Variants in ZSWIM8 observed in about 807,000 individuals in gnomAD.
ZSWIM8 encodes the protein zinc finger SWIM domain-containing protein 8.
ZSWIM8 carries 27 observed loss-of-function variants against 173.7 expected under a neutral mutation model. The observed-to-expected ratio is 0.16, with a 90% CI of 0.11 to 0.21. ZSWIM8 has a LOEUF of 0.21. Ranked by LOEUF, ZSWIM8 falls within the 10% of genes least tolerant of loss-of-function variation. The pLI is 1.00. For missense variants in ZSWIM8, 1,627 were observed against 2,428.8 expected (o/e 0.67, Z 6.94); for synonymous variants, 958 against 962.0 (o/e 1.00, Z 0.08).
Position 73,796,853 on chromosome 10 carries a change from C to T in ZSWIM8, c.3113C>T (p.Pro1038Leu), listed in dbSNP as rs2083684843. ...TLSSFYSSSR[P>L]TTASQRSPSK... ...AGTTCTTTCTACTCATCTAGCCGCC[C>T]AACCACAGCCAGCCAGAGGTCTCCT... Residue 1038 changes from proline to leucine, a missense_variant, in exon 16 of 26, where the codon CCA becomes CTA. By Grantham distance (98) the Pro-to-Leu change is moderately conservative. Coordinates refer to ENST00000604729, the MANE Select transcript of ZSWIM8 (RefSeq NM_001367799.1). 6.2e-7 allele frequency: 1 copy of T among 1,613,956 alleles called. No homozygotes were observed. The highest frequency in any genetic ancestry group is 1.3e-5 in the African/African-American group (1 of 74,950).
rs1325745982 is a variant in ZSWIM8 at position 73,792,482 on chromosome 10, C to T, written c.1943C>T (p.Pro648Leu). Reference protein sequence around the residue: ...GGFPESPPPCPLHGGSRGPST... With the variant: ...GGFPESPPPCLLHGGSRGPST... ...TTCCCTGAGAGCCCTCCACCCTGTC[C>T]TCTCCACGGTGGCTCCCGAGGCCCT... Residue 648 changes from proline (P) to leucine (L), a missense_variant, in exon 10 of 26, where the codon CCT (proline) becomes CTT (leucine). Pro to Leu is a moderately conservative substitution (Grantham distance 98). Coordinates refer to ENST00000604729, the MANE Select transcript of ZSWIM8 (RefSeq NM_001367799.1). This position sits in a 1 kb window ranked among gnomAD's most constrained non-coding sequence, Gnocchi z 4.3. 6.2e-7 allele frequency: 1 copy of T among 1,612,174 alleles called. No homozygotes were observed. The highest frequency in any genetic ancestry group is 1.7e-5 in the Admixed American group (1 of 59,682).
Position 73,797,766 on chromosome 10 carries a change from C to T in ZSWIM8, c.3663-15C>T. The T allele has an allele frequency of 1.2e-6, 2 of 1,609,214 alleles. No individual in the cohort carries two copies. The highest frequency in any genetic ancestry group is 1.7e-6 in the Non-Finnish European group (2 of 1,176,548). ...AGAAACCCCAACCCCCGTCCCTACC[C>T]CATTGCCCCTTCAGGTACAAGGGCC... On this transcript the variant is annotated splice_polypyrimidine_tract_variant and intron_variant, in intron 18 of 25. Transcript: ENST00000604729. This position sits in a 1 kb window ranked among gnomAD's most constrained non-coding sequence, Gnocchi z 5.6.
chr10:73,799,644 A>G, intron 21 of ZSWIM8, 154 bp downstream of exon 21: 3 of 1,091,248 alleles, frequency 2.7e-6, no homozygotes, highest in Non-Finnish European at 4.0e-6. Flanking sequence ...AAAATAAGAA[A>G]TGACGGCCGG....
At chr10:73,796,370 GA>G (rs1156340975) in intron 15 of ZSWIM8, 5 of 425,584 alleles carry the variant, frequency 1.2e-5, no homozygotes, top group Admixed American at 3.0e-5. Context: ...AGAAGAAGAA[GA>G]AAAAAAGAAA....
Position 73,798,102 on chromosome 10 carries a change from G to A in ZSWIM8, c.3952+32G>A, listed in dbSNP as rs189497417. On this transcript the variant is annotated intron_variant, in intron 19 of 25. Coordinates refer to ENST00000604729, the MANE Select transcript of ZSWIM8 (RefSeq NM_001367799.1). ...CATTTGACCTGACTTGGGTATGGGA[G>A]GGGGATTAATTGGTGGGGATAAGAC... 8.0e-5 allele frequency: 129 copies of A among 1,607,904 alleles called. 1 individual carries two copies. In the Admixed American group the frequency reaches 2.1e-3, roughly 27 times the overall value.
At chr10:73,795,772 A>G (rs2083611275) in intron 15 of ZSWIM8, 109 bp downstream of exon 15, 4 of 1,249,830 alleles carry the variant, frequency 3.2e-6, no homozygotes, top group Non-Finnish European at 4.3e-6. Flanking sequence ...AGCCTGGGCA[A>G]CATGGCGAAA....
At position 73,790,368 on chromosome 10, in the gene ZSWIM8, C is replaced by T. The variant is rs1433922580; in HGVS notation, c.941+76C>T. The stretch of plus-strand genomic sequence containing the variant: ...TCAGGCTGATGACAGATCCTTTCTT[C>T]TATTCATGCCTGTGACCCCTACCTT... On this transcript the variant is annotated intron_variant, in intron 7 of 25. Coordinates refer to ENST00000604729, the MANE Select transcript of ZSWIM8 (RefSeq NM_001367799.1). 8 of 1,523,146 alleles carry T rather than the reference C, an allele frequency of 5.3e-6. No individual in the cohort carries two copies. The African/African-American group carries it at 9.7e-5, about 19-fold the overall frequency. The allele number at this position is 1,523,146 out of a possible 1,614,324, so 94.4% of individuals were successfully genotyped here. A position where few individuals can be genotyped will look rare whatever the true frequency, so the allele number is the denominator to read the frequency against.
At chr10:73,796,739 C>T (rs776443941) in intron 15 of ZSWIM8, 35 bp from the exon 16 acceptor site, 1 of 1,606,552 alleles carries the variant, frequency 6.2e-7, no homozygotes. Flanking sequence ...CATCCTGTCA[C>T]TGCTTCTCTG....
At chr10:73,795,728 C>T (rs1400824406) in intron 15 of ZSWIM8, 65 bp downstream of exon 15, 60 of 1,541,952 alleles carry the variant, frequency 3.9e-5, no homozygotes, top group Middle Eastern at 4.4e-4. Context: ...GAGGCAGAGG[C>T]GGGCAGATGG....
Position 73,798,221 on chromosome 10 carries a change from T to G in ZSWIM8, c.3953-9T>G. 6.2e-7 allele frequency: 1 copy of G among 1,613,332 alleles called. No homozygotes were observed. The highest frequency in any genetic ancestry group is 8.5e-7 in the Non-Finnish European group (1 of 1,179,360). On this transcript the variant is annotated splice_polypyrimidine_tract_variant and intron_variant, in intron 19 of 25. Transcript: ENST00000604729. ...AACCCAACTCTGCCCTTCTCTCCTT[T>G]CCCCTAAGGCCAGGCCATGGAGATA...
intron 1 of ZSWIM8, 132 bp downstream of exon 1, chr10:73,786,218 C>A: frequency 9.4e-7 from 1 of 1,068,080 alleles, no homozygotes; most frequent in Non-Finnish European, 1.3e-6. Context: ...CTGTCCCCGG[C>A]CGGGAGCTGT....
chr10:73,799,741 G>A (rs2083838409), intron 21 of ZSWIM8: 1 of 637,142 alleles, frequency 1.6e-6, no homozygotes, highest in South Asian at 2.0e-5. Context: ...GACCAGCCTG[G>A]CCAACATGGG....
chr10:73,788,568 G>A (rs2083304211), intron 1 of ZSWIM8, 102 bp from the exon 2 acceptor site: 3 of 1,397,928 alleles, frequency 2.1e-6, no homozygotes, highest in East Asian at 4.7e-5. Flanking sequence ...CTTTCATAGT[G>A]AAGATGAGGC....
rs752675365 is a variant in ZSWIM8, at chr10:73,791,299, A to G, written c.1144-25A>G. 3 of 1,590,220 alleles carry G rather than the reference A, an allele frequency of 1.9e-6. No individual in the cohort carries two copies. Among genetic ancestry groups the G allele is most frequent in the Admixed American group, 1.7e-5 (1 of 59,320 alleles). ...TGCCTTTCTCTGAGCTCTCAGGTGC[A>G]GCTCACAGCCTTCTTTGTCTCCAGA... On this transcript the variant is annotated intron_variant, in intron 8 of 25. Transcript: ENST00000604729. This position sits in a 1 kb window ranked among gnomAD's most constrained non-coding sequence, Gnocchi z 6.0.
In ZSWIM8 at chr10:73,794,155, G is replaced by A; in HGVS notation, c.2634G>A (p.Leu878=). Reference sequence around the variant, plus strand: ...CCTTCCTGTGCCCTCAGGTGAAGCTGGCATACCAGGAGTCTGAGGTGGCTG... The same window carrying A: ...CCTTCCTGTGCCCTCAGGTGAAGCTAGCATACCAGGAGTCTGAGGTGGCTG... ...PASTKALEVK[L]AYQESEVAAL... The change falls in exon 13 of 26, where the codon CTG becomes CTA. Residue 878 remains leucine, a synonymous_variant. Coordinates refer to ENST00000604729, the MANE Select transcript of ZSWIM8 (RefSeq NM_001367799.1). 6.2e-7 allele frequency: 1 copy of A among 1,613,990 alleles called. No individual in the cohort carries two copies. The highest frequency in any genetic ancestry group is 2.2e-5 in the East Asian group (1 of 44,874).
rs1396044411 is a variant in ZSWIM8 at position 73,786,167 on chromosome 10, C to T, written c.208+81C>T. On this transcript the variant is annotated intron_variant, in intron 1 of 25. Coordinates refer to ENST00000604729, the MANE Select transcript of ZSWIM8 (RefSeq NM_001367799.1). ...GAGCTGTCCGGGACCAGGAGCTGTCCCCGACCAAGAGCTCTCTTCAACCAG... is the reference window on the plus strand; with the variant it reads ...GAGCTGTCCGGGACCAGGAGCTGTCTCCGACCAAGAGCTCTCTTCAACCAG... The T allele has an allele frequency of 1.6e-5, 22 of 1,362,850 alleles. No homozygotes were observed. In the East Asian group the frequency reaches 3.7e-4, roughly 23 times the overall value. The allele number at this position is 1,362,850 out of a possible 1,614,324, so 84.4% of individuals were successfully genotyped here.
In ZSWIM8 at chr10:73,800,526, C is replaced by T. The variant is rs2083892091; in HGVS notation, c.5002+54C>T. 2.5e-6 allele frequency: 4 copies of T among 1,606,792 alleles called. No individual in the cohort carries two copies. In the Middle Eastern group the frequency reaches 6.6e-4, roughly 267 times the overall value. On this transcript the variant is annotated intron_variant, in intron 23 of 25. Transcript: ENST00000604729. This position sits in a 1 kb window ranked among gnomAD's most constrained non-coding sequence, Gnocchi z 4.1. ...ACCTGCAGTTGTGCCAGTGGCTCTT[C>T]AGAGGACCCTTCCTCTAGCTCTTCA... is the stretch of plus-strand genomic sequence containing the variant.
Position 73,797,767 on chromosome 10 carries a change from C to G in ZSWIM8, c.3663-14C>G, listed in dbSNP as rs964856610. 2.8e-5 allele frequency: 45 copies of G among 1,609,172 alleles called. No homozygotes were observed. Among genetic ancestry groups the G allele is most frequent in the Non-Finnish European group, 3.7e-5 (44 of 1,176,590 alleles). The stretch of plus-strand genomic sequence containing the variant: ...GAAACCCCAACCCCCGTCCCTACCC[C>G]ATTGCCCCTTCAGGTACAAGGGCCG... On this transcript the variant is annotated splice_polypyrimidine_tract_variant and intron_variant, in intron 18 of 25. Coordinates refer to ENST00000604729, the MANE Select transcript of ZSWIM8 (RefSeq NM_001367799.1). The surrounding 1 kb of genome is among the most constrained non-coding windows in gnomAD (Gnocchi z 5.6).
In ZSWIM8 at chr10:73,799,318, C is replaced by T. The variant is rs760359140; in HGVS notation, c.4493C>T (p.Pro1498Leu). The change falls in exon 21 of 26, where the codon CCG becomes CTG. Residue 1498 changes from proline to leucine, a missense_variant. Pro to Leu is a moderately conservative substitution (Grantham distance 98). Coordinates refer to ENST00000604729, the MANE Select transcript of ZSWIM8 (RefSeq NM_001367799.1). Reference protein sequence around the residue: ...PVISVGSSLYPGPGLGHGHSP... With the variant: ...PVISVGSSLYLGPGLGHGHSP... ...ATATCGGTGGGGTCTAGTTTATACCCGGGTCCAGGACTGGGGCATGGCCAC... is the reference window on the plus strand; with the variant it reads ...ATATCGGTGGGGTCTAGTTTATACCTGGGTCCAGGACTGGGGCATGGCCAC... The T allele has an allele frequency of 1.0e-5, 16 of 1,607,778 alleles. No homozygotes were observed. The South Asian group carries it at 1.0e-4, about 10-fold the overall frequency.
Sources: allele counts gnomAD v4.1 joint callset, GRCh38; gene constraint gnomAD v4.1.1; non-coding constraint Gnocchi (gnomAD v3.1); transcripts MANE v1.5; gene names NCBI Gene and HGNC (gene_info 2026-07-23, HGNC 2026-07-21).